Variants in MAPK6 observed in about 807,000 individuals in gnomAD.
MAPK6 encodes the protein ERK-3.
MAPK6 carries 19 observed loss-of-function variants against 59.3 expected under a neutral mutation model. That is an observed-to-expected ratio of 0.32 (90% confidence interval 0.22 to 0.47). The LOEUF (loss-of-function observed/expected upper bound fraction) is 0.47. Ranked by LOEUF, MAPK6 falls within the 20% of genes least tolerant of loss-of-function variation. MAPK6 has a pLI of 1.00. For missense variants in MAPK6, 724 were observed against 847.9 expected, an observed-to-expected ratio of 0.85 and a Z score of 1.81; for synonymous variants, 316 against 290.3, an observed-to-expected ratio of 1.09 and a Z score of -0.90.
chr15:52,008,944 A>G (rs1436951972), intron 3 of MAPK6, among the ~76,000 whole-genome samples: 2 of 152,164 alleles, frequency 1.3e-5, no homozygotes, highest in African/African-American at 4.8e-5. Flanking sequence ...AGTGGTAGTA[A>G]TTATCAAGTG....
At chr15:52,042,050 G>A (rs2031438705) in intron 1 of MAPK6, among the ~76,000 whole-genome samples, 1 of 152,188 alleles carries the variant, frequency 6.6e-6, no homozygotes, top group Non-Finnish European at 1.5e-5. Context: ...GAACGTGACT[G>A]AATTGGAAAC....
At chr15:52,039,724 C>T (rs1220691121) in intron 1 of MAPK6, among the ~76,000 whole-genome samples, 2 of 151,674 alleles carry the variant, frequency 1.3e-5, no homozygotes, top group Admixed American at 6.6e-5. Context: ...ACCATGTTGG[C>T]CAGGCTGGTC....
chr15:52,040,869 G>A (rs2031397561), intron 1 of MAPK6, among the ~76,000 whole-genome samples: 1 of 152,134 alleles, frequency 6.6e-6, no homozygotes, highest in Admixed American at 6.5e-5. Context: ...ATCACTGAAA[G>A]AAAGCCAAAG....
At chr15:51,990,827 G>C (rs1003732909) in intron 2 of MAPK6, among the ~76,000 whole-genome samples, 1 of 152,136 alleles carries the variant, frequency 6.6e-6, no homozygotes, top group African/African-American at 2.4e-5. Context: ...GGTGGCGGGC[G>C]CCTGTAGTCC....
intron 3 of MAPK6, among the ~76,000 whole-genome samples, chr15:52,008,357 G>A (rs576903566): frequency 6.6e-6 from 1 of 152,134 alleles, no homozygotes. Context: ...TGAAGTTCTG[G>A]TTCCAGTGGA....
chr15:52,000,022 C>T (rs1048588666), intron 2 of MAPK6, among the ~76,000 whole-genome samples: 1 of 152,114 alleles, frequency 6.6e-6, no homozygotes, highest in South Asian at 2.1e-4. Context: ...TACTGCAGCC[C>T]GGACTTCCCA....
At chr15:52,062,328 G>C (rs1170900113) in intron 5 of MAPK6, among the ~76,000 whole-genome samples, 1 of 152,110 alleles carries the variant, frequency 6.6e-6, no homozygotes, top group Non-Finnish European at 1.5e-5. Context: ...TACTCAGCCA[G>C]TATTTGAATC....
intron 3 of MAPK6, among the ~76,000 whole-genome samples, chr15:52,051,711 T>G (rs1566911078): frequency 6.6e-6 from 1 of 151,900 alleles, no homozygotes; most frequent in Non-Finnish European, 1.5e-5. Flanking sequence ...CTGTCTCTAC[T>G]AAAAATACAA....
At chr15:52,035,912 AT>A (rs201571600) in intron 1 of MAPK6, among the ~76,000 whole-genome samples, 50 of 149,148 alleles carry the variant, frequency 3.4e-4, no homozygotes, top group African/African-American at 1.1e-3. Context: ...TAGCTCTCTG[AT>A]TTTTTTTTTC....
chr15:52,066,385 T>C lies in MAPK6; in HGVS notation c.*1385T>C, dbSNP rs1295760746. On this transcript the variant is annotated 3_prime_UTR_variant, in exon 6 of 6. Transcript: ENST00000261845. The stretch of plus-strand genomic sequence containing the variant: ...GAAAGGCTGAGAAGGTTCAAGTCTT[T>C]TGACTTAAACCATCACATATTAGAA... 4 of 152,350 alleles carry C rather than the reference T, an allele frequency of 2.6e-5. No individual in the cohort carries two copies. Among genetic ancestry groups the C allele is most frequent in the Middle Eastern group, 3.4e-3 (1 of 294 alleles). 9.4% of individuals were successfully genotyped at this position (152,350 alleles called of 1,614,324 possible). A position where few individuals can be genotyped will look rare whatever the true frequency, so the allele number is the denominator to read the frequency against.
rs150919350 is a variant in MAPK6 at position 52,008,541 on chromosome 15, G to T, written c.-632+4139G>T. Reference sequence around the variant, plus strand: ...AACACTATACATGAACAGGGTGGCAGGAAATAGTGAACATACTTATTGCAT... The same window carrying T: ...AACACTATACATGAACAGGGTGGCATGAAATAGTGAACATACTTATTGCAT... On this transcript the variant is annotated intron_variant, in intron 3 of 7. Coordinates refer to the MAPK6 transcript ENST00000691380. Among the ~76,000 whole-genome samples the T allele has an allele frequency of 5.3e-3, 805 of 152,314 alleles. 10 individuals carry two copies. The highest frequency in any genetic ancestry group is 0.018 in the African/African-American group (761 of 41,566).
At chr15:52,007,428 CT>C (rs374563567) in intron 3 of MAPK6, among the ~76,000 whole-genome samples, 7 of 152,258 alleles carry the variant, frequency 4.6e-5, no homozygotes, top group Admixed American at 1.3e-4. Context: ...AAGAAGACAA[CT>C]TTTTTTCCTC....
intron 3 of MAPK6, among the ~76,000 whole-genome samples, chr15:52,009,377 C>T (rs937664014): frequency 2.0e-5 from 3 of 152,186 alleles, no homozygotes; most frequent in African/African-American, 7.2e-5. Context: ...CTGTTCTCTT[C>T]AAGGTATTGG....
intron 2 of MAPK6, among the ~76,000 whole-genome samples, chr15:52,048,814 G>C (rs1483228746): frequency 6.6e-6 from 1 of 152,068 alleles, no homozygotes; most frequent in Non-Finnish European, 1.5e-5. Flanking sequence ...AGGAGTTTGA[G>C]ACCAACCTGG....
chr15:52,064,561 A>G lies in MAPK6; in HGVS notation c.1727A>G (p.Glu576Gly). The G allele has an allele frequency of 1.9e-6, 3 of 1,611,384 alleles. No individual in the cohort carries two copies. The East Asian group carries it at 6.7e-5, about 36-fold the overall frequency. Residue 576 changes from glutamate (E) to glycine (G), a missense_variant, in exon 6 of 6, where the codon GAA (glutamate) becomes GGA (glycine). Coordinates refer to ENST00000261845, the MANE Select transcript of MAPK6 (RefSeq NM_002748.4). ...AAGTCAGTAAGCCAAGAAAAACAGG[A>G]AAAAGGAATGGCAAATCTGGCTCAA... ...ISKSVSQEKQ[E>G]KGMANLAQLE...
intron 2 of MAPK6, among the ~76,000 whole-genome samples, chr15:51,989,904 T>C (rs1044395471): frequency 6.6e-6 from 1 of 152,182 alleles, no homozygotes; most frequent in African/African-American, 2.4e-5. Context: ...ACACCCAGTT[T>C]AAAATTATTT....
chr15:52,019,043 C>T (rs1034331001), upstream of MAPK6: 5 of 152,308 alleles, frequency 3.3e-5, no homozygotes, highest in Non-Finnish European at 7.3e-5. Flanking sequence ...GCAAAGCCCC[C>T]AGGAGACGCC....
intron 1 of MAPK6, among the ~76,000 whole-genome samples, chr15:51,976,037 C>T (rs539710756): frequency 1.5e-4 from 22 of 151,584 alleles, no homozygotes; most frequent in Non-Finnish European, 2.2e-4. Flanking sequence ...GAGGCCGAGG[C>T]GGGCGGATCA....
At chr15:52,005,220 T>C (rs1235693736) in intron 3 of MAPK6, among the ~76,000 whole-genome samples, 2 of 152,134 alleles carry the variant, frequency 1.3e-5, no homozygotes, top group Admixed American at 1.3e-4. Flanking sequence ...GTTGAATGAC[T>C]TGAATGAATG....
Sources: gnomAD v4.1 joint callset for allele counts (sites outside exome capture counted in the v4.1 genomes callset) on GRCh38, gnomAD v4.1.1 for gene constraint, MANE v1.5 for transcripts, NCBI Gene and HGNC (gene_info 2026-07-23, HGNC 2026-07-21) for gene names.